Variants in ASCC3 observed in about 807,000 individuals in gnomAD.
ASCC3 encodes activating signal cointegrator 1 complex subunit 3, also known as ASC-1 complex subunit P200.
In ASCC3, 158 loss-of-function variants were observed where a neutral mutation model predicts 256.3. The observed-to-expected ratio is 0.62, with a 90% CI of 0.54 to 0.70. ASCC3 has a LOEUF of 0.70. Among genes scored for constraint, ASCC3 ranks in the 30% least tolerant of loss-of-function variants. The probability of loss-of-function intolerance (pLI) is 0.00; values close to 1 mark genes in which losing one functional copy is unlikely to be tolerated. For synonymous variants in ASCC3, 948 were observed against 883.4 expected (o/e 1.07, Z -1.30); for missense variants, 2,259 against 2,626.0 (o/e 0.86, Z 3.05).
At chr6:100,583,278 T>C (rs1281232772) in intron 36 of ASCC3, among the ~76,000 whole-genome samples, 1 of 152,248 alleles carries the variant, frequency 6.6e-6, no homozygotes, top group Non-Finnish European at 1.5e-5. Flanking sequence ...GTTATTGCTC[T>C]ATTCAGAGAT....
At chr6:100,696,913 T>C (rs1439598618) in intron 13 of ASCC3, among the ~76,000 whole-genome samples, 8 of 152,074 alleles carry the variant, frequency 5.3e-5, no homozygotes, top group Admixed American at 2.0e-4. Flanking sequence ...AAATTACATA[T>C]ATATGCACAC....
At chr6:100,589,838 C>A in intron 35 of ASCC3, 70 bp from the exon 36 acceptor site, 1 of 1,604,104 alleles carries the variant, frequency 6.2e-7, no homozygotes, top group Non-Finnish European at 8.5e-7. Context: ...ATAATTCAGA[C>A]AGGTGCTTTT....
At chr6:100,631,332 T>G in intron 25 of ASCC3, 119 bp from the exon 26 acceptor site, 1 of 714,596 alleles carries the variant, frequency 1.4e-6, no homozygotes, top group Non-Finnish European at 2.4e-6. Flanking sequence ...ATGTATCTTT[T>G]AATTCTGAAT....
intron 14 of ASCC3, among the ~76,000 whole-genome samples, chr6:100,675,127 G>GTTTT (rs1275237746): frequency 0.018 from 2,004 of 111,156 alleles, 9 homozygotes; most frequent in Non-Finnish European, 0.026. Context: ...TAAGCAAACA[G>GTTTT]TTGTTTTTTT....
At chr6:100,852,262 C>T (rs190405218) in intron 3 of ASCC3, among the ~76,000 whole-genome samples, 3 of 152,266 alleles carry the variant, frequency 2.0e-5, no homozygotes, top group Admixed American at 6.5e-5. Context: ...TTACCCTCAA[C>T]AAAAATGTAA....
At position 100,589,782 on chromosome 6, in the gene ASCC3, A is replaced by G; in HGVS notation, c.5416-14T>C. 1.9e-6 allele frequency: 3 copies of G among 1,613,524 alleles called. No individual in the cohort carries two copies. In the South Asian group the frequency reaches 3.3e-5, roughly 18 times the overall value. ...GCTGCGATTATCCTATTTCAAAAGA[A>G]TAACAAATGAAGAGTACGATGAAAG... On this transcript the variant is annotated splice_polypyrimidine_tract_variant and intron_variant, in intron 35 of 41. Coordinates refer to ENST00000369162, the MANE Select transcript of ASCC3 (RefSeq NM_006828.4).
At chr6:100,566,761 A>G (rs1770273480) in intron 36 of ASCC3, among the ~76,000 whole-genome samples, 1 of 152,118 alleles carries the variant, frequency 6.6e-6, no homozygotes, top group Admixed American at 6.5e-5. Flanking sequence ...AACATGCTGC[A>G]ACAGCTTTAG....
intron 10 of ASCC3, among the ~76,000 whole-genome samples, chr6:100,726,018 T>C (rs1406907455): frequency 6.7e-6 from 1 of 150,358 alleles, no homozygotes; most frequent in African/African-American, 2.4e-5. Context: ...GTAAGAACAC[T>C]ATTTTTTAAA....
At position 100,509,397 on chromosome 6, in the gene ASCC3, C is replaced by A. The variant is rs371095879; in HGVS notation, c.6598G>T (p.Ala2200Ser). The stretch of plus-strand genomic sequence containing the variant: ...TTGTTCAGGTCAAGTTACTTTAATG[C>A]CAGGTCAGTCAGGGAATCAGAGACC... ...TKVSDSLTDL[A>S]LK Residue 2200 changes from alanine to serine, a missense_variant, in exon 42 of 42, where the codon GCA becomes TCA. Transcript: ENST00000369162. 4.3e-6 allele frequency: 7 copies of A among 1,614,000 alleles called. No homozygotes were observed. Among genetic ancestry groups the A allele is most frequent in the Admixed American group, 1.7e-5 (1 of 60,010 alleles).
chr6:100,680,435 G>C (rs1051972483), intron 13 of ASCC3, among the ~76,000 whole-genome samples: 1 of 152,178 alleles, frequency 6.6e-6, no homozygotes, highest in Admixed American at 6.5e-5. Context: ...GCCTGCCTTT[G>C]CTCCCTGTCA....
chr6:100,813,482 A>AC (rs1388500422), intron 4 of ASCC3, among the ~76,000 whole-genome samples: 1 of 152,148 alleles, frequency 6.6e-6, no homozygotes, highest in African/African-American at 2.4e-5. Flanking sequence ...ACAAAAAAAA[A>AC]ACACAAAAAA....
chr6:100,691,151 G>T (rs1382655808), intron 13 of ASCC3, among the ~76,000 whole-genome samples: 1 of 151,862 alleles, frequency 6.6e-6, no homozygotes, highest in Non-Finnish European at 1.5e-5. Flanking sequence ...AATACAAGTA[G>T]TCATATTTCT....
chr6:100,640,246 T>C (rs775871459), intron 24 of ASCC3, among the ~76,000 whole-genome samples: 1 of 152,182 alleles, frequency 6.6e-6, no homozygotes, highest in African/African-American at 2.4e-5. Flanking sequence ...ATAAATAAAC[T>C]GCATATTGCA....
chr6:100,517,958 CAAAACAATTACATTGAAAAGT>C lies in ASCC3; in HGVS notation c.5927+12_5927+32del, dbSNP rs1300700916. On this transcript the variant is annotated intron_variant, in intron 38 of 41. Coordinates refer to ENST00000369162, the MANE Select transcript of ASCC3 (RefSeq NM_006828.4). ...AAAAAATATTTTTTTGAAATCAAAA[CAAAACAATTACATTGAAAAGT>C]AAAACAATTACTTGAAAAGGTGAAG... 1.2e-6 allele frequency: 2 copies of C among 1,606,642 alleles called. No individual in the cohort carries two copies. The highest frequency in any genetic ancestry group is 1.3e-5 in the African/African-American group (1 of 74,746).
intron 36 of ASCC3, among the ~76,000 whole-genome samples, chr6:100,581,043 C>T (rs943197535): frequency 5.3e-5 from 8 of 152,110 alleles, no homozygotes; most frequent in Non-Finnish European, 8.8e-5. Context: ...AATAAACATA[C>T]GTGTGCATGT....
At chr6:100,524,684 T>C (rs1160672838) in intron 37 of ASCC3, among the ~76,000 whole-genome samples, 1 of 152,114 alleles carries the variant, frequency 6.6e-6, no homozygotes, top group Non-Finnish European at 1.5e-5. Flanking sequence ...ATCCTTAGTG[T>C]CCTCAAGTCT....
At chr6:100,512,540 CAT>C (rs1207034495) in intron 40 of ASCC3, among the ~76,000 whole-genome samples, 167 bp downstream of exon 40, 1 of 152,162 alleles carries the variant, frequency 6.6e-6, no homozygotes, top group Non-Finnish European at 1.5e-5. Flanking sequence ...AAAAATGACA[CAT>C]GAGGAGAACT....
chr6:100,768,157 G>A (rs1781752194), intron 8 of ASCC3, among the ~76,000 whole-genome samples: 1 of 151,998 alleles, frequency 6.6e-6, no homozygotes, highest in Admixed American at 6.6e-5. Context: ...GTAATAGTAG[G>A]AACAAAAGCC....
At chr6:100,596,777 G>A (rs1364738657) in intron 34 of ASCC3, among the ~76,000 whole-genome samples, 1 of 151,780 alleles carries the variant, frequency 6.6e-6, no homozygotes, top group Non-Finnish European at 1.5e-5. Flanking sequence ...CCTGACTTAC[G>A]GCATAAATAG....
Sources: gnomAD v4.1 joint callset for allele counts (sites outside exome capture counted in the v4.1 genomes callset) on GRCh38, gnomAD v4.1.1 for gene constraint, MANE v1.5 for transcripts, NCBI Gene and HGNC (gene_info 2026-07-23, HGNC 2026-07-21) for gene names.